RNLS: variants seen among roughly 807,000 people sequenced by gnomAD.
RNLS encodes the protein renalase.
A neutral mutation model predicts 39.8 loss-of-function variants in RNLS; 39 were observed. The observed-to-expected ratio is 0.98, with a 90% CI of 0.76 to 1.28. RNLS has a LOEUF of 1.28. Ranked by LOEUF, RNLS falls within the 50% of genes most tolerant of loss-of-function variation. The pLI, the probability that RNLS is intolerant of heterozygous loss-of-function variation, is 0.00. For synonymous variants in RNLS, 147 were observed against 150.7 expected (o/e 0.98, Z 0.18); for missense variants, 410 against 413.3 (o/e 0.99, Z 0.07).
Position 88,284,838 on chromosome 10 carries a change from A to G in RNLS, c.*516T>C. 1 of 985,406 alleles carries G rather than the reference A, an allele frequency of 1.0e-6. No homozygotes were observed. The highest frequency in any genetic ancestry group is 1.2e-6 in the Non-Finnish European group (1 of 829,924). 61.0% of individuals were successfully genotyped at this position (985,406 alleles called of 1,614,324 possible). ...CATATATGACCTACAATTCAGGATC[A>G]CTTAATAACTTGGGGGATAAATGAG... On this transcript the variant is annotated 3_prime_UTR_variant, in exon 7 of 7. Coordinates refer to ENST00000331772, the MANE Select transcript of RNLS (RefSeq NM_001031709.3).
At chr10:88,542,750 G>A (rs1450249004) in intron 4 of RNLS, among the ~76,000 whole-genome samples, 1 of 152,120 alleles carries the variant, frequency 6.6e-6, no homozygotes. Flanking sequence ...TAAAATTACT[G>A]CTGAAGAAGC....
At chr10:88,215,305 T>A in the RNLS span, among the ~76,000 whole-genome samples, 1 of 152,182 alleles carries the variant, frequency 6.6e-6, no homozygotes, top group East Asian at 1.9e-4. Flanking sequence ...GTTCCATTCC[T>A]GGGTGAGGAA....
chr10:88,419,578 T>C (rs531084055), intron 4 of RNLS, among the ~76,000 whole-genome samples: 45 of 152,326 alleles, frequency 3.0e-4, no homozygotes, highest in African/African-American at 9.9e-4. Context: ...TTTTTAAAGA[T>C]GTAACAATCA....
chr10:88,541,008 A>G (rs1263011313), intron 4 of RNLS, among the ~76,000 whole-genome samples: 2 of 147,752 alleles, frequency 1.4e-5, no homozygotes, highest in East Asian at 2.0e-4. Flanking sequence ...AAAAAAAAGT[A>G]CATTTCTTAA....
chr10:88,525,134 G>A (rs28624723), intron 4 of RNLS, among the ~76,000 whole-genome samples: 1 of 151,458 alleles, frequency 6.6e-6, no homozygotes, highest in Admixed American at 6.6e-5. Context: ...GTGTGTATGT[G>A]TGTGTATAAG....
chr10:88,285,577 G>A (rs774548493), intron 6 of RNLS, 71 bp from the exon 7 acceptor site: 32 of 1,324,006 alleles, frequency 2.4e-5, no homozygotes, highest in Admixed American at 3.7e-5. Flanking sequence ...ACACCCACCT[G>A]GAAAAGGTTA....
intron 4 of RNLS, among the ~76,000 whole-genome samples, chr10:88,481,358 A>G (rs1402759784): frequency 6.6e-6 from 1 of 151,944 alleles, no homozygotes; most frequent in Non-Finnish European, 1.5e-5. Context: ...TTTGTTTTCT[A>G]AGCCTCTTGT....
chr10:88,293,087 C>A (rs887297454), intron 6 of RNLS, among the ~76,000 whole-genome samples: 1 of 151,866 alleles, frequency 6.6e-6, no homozygotes, highest in Admixed American at 6.6e-5. Flanking sequence ...TTTTCATCCA[C>A]TCCAATGTCT....
At chr10:88,541,775 C>T (rs1169696141) in intron 4 of RNLS, among the ~76,000 whole-genome samples, 1 of 152,096 alleles carries the variant, frequency 6.6e-6, no homozygotes, top group Non-Finnish European at 1.5e-5. Flanking sequence ...AGAGAAATAT[C>T]CTGGTTGTGC....
At chr10:88,223,738 G>A in the RNLS span, among the ~76,000 whole-genome samples, 1 of 152,048 alleles carries the variant, frequency 6.6e-6, no homozygotes, top group African/African-American at 2.4e-5. Context: ...TGGAGACTAG[G>A]GCATACAGTA....
chr10:88,342,335 A>G (rs1290996539), intron 5 of RNLS, among the ~76,000 whole-genome samples: 1 of 152,224 alleles, frequency 6.6e-6, no homozygotes, highest in Non-Finnish European at 1.5e-5. Context: ...TATTTCAAGT[A>G]TAGAACTTTT....
intron 4 of RNLS, among the ~76,000 whole-genome samples, chr10:88,524,682 T>C (rs1260825892): frequency 2.0e-5 from 3 of 152,066 alleles, no homozygotes; most frequent in Admixed American, 1.3e-4. Flanking sequence ...TGTCAGACAG[T>C]GCAGATATAG....
At chr10:88,538,110 C>T (rs1847860336) in intron 4 of RNLS, among the ~76,000 whole-genome samples, 2 of 152,192 alleles carry the variant, frequency 1.3e-5, no homozygotes, top group African/African-American at 4.8e-5. Flanking sequence ...TACACAAATT[C>T]AAAACAAGCC....
chr10:88,191,881 T>C, the RNLS span, among the ~76,000 whole-genome samples: 1 of 152,102 alleles, frequency 6.6e-6, no homozygotes. Flanking sequence ...GGCTTCAATG[T>C]ACTTTTGAGA....
chr10:88,539,295 C>T (rs1051289985), intron 4 of RNLS, among the ~76,000 whole-genome samples: 2 of 152,038 alleles, frequency 1.3e-5, no homozygotes, highest in Admixed American at 1.3e-4. Flanking sequence ...ATATAGTATG[C>T]ACATATAATA....
chr10:88,220,876 T>C, the RNLS span, among the ~76,000 whole-genome samples: 1 of 152,176 alleles, frequency 6.6e-6, no homozygotes, highest in Non-Finnish European at 1.5e-5. Flanking sequence ...GTCTTTTGTT[T>C]GTGATGAGGA....
At chr10:88,292,291 C>T (rs1434687998) in intron 6 of RNLS, among the ~76,000 whole-genome samples, 6 of 150,900 alleles carry the variant, frequency 4.0e-5, no homozygotes, top group Non-Finnish European at 8.8e-5. Flanking sequence ...GGGGAAATAT[C>T]TTTGTGGTTT....
At chr10:88,458,455 A>G (rs922818772) in intron 4 of RNLS, among the ~76,000 whole-genome samples, 1 of 151,704 alleles carries the variant, frequency 6.6e-6, no homozygotes, top group Non-Finnish European at 1.5e-5. Flanking sequence ...CACCCACCCA[A>G]TCTCTCTGAA....
chr10:88,365,206 T>A (rs1849967623), intron 4 of RNLS, among the ~76,000 whole-genome samples: 1 of 151,916 alleles, frequency 6.6e-6, no homozygotes, highest in Non-Finnish European at 1.5e-5. Context: ...ACTGAAACAA[T>A]CTCAATTTCT....
Sources: allele counts gnomAD v4.1 joint callset (sites outside exome capture counted in the v4.1 genomes callset), GRCh38; gene constraint gnomAD v4.1.1; transcripts MANE v1.5; gene names NCBI Gene and HGNC (gene_info 2026-07-23, HGNC 2026-07-21).